ZNF678: variants seen among roughly 807,000 people sequenced by gnomAD.
ZNF678 encodes zinc finger protein 678.
A neutral mutation model predicts 3.0 loss-of-function variants in ZNF678; 5 were observed. The observed-to-expected ratio is 1.69, with a 90% CI of 0.88 to 3.56. The LOEUF (loss-of-function observed/expected upper bound fraction) is 3.56. Ranked by LOEUF, ZNF678 falls within the 30% of genes most tolerant of loss-of-function variation. ZNF678 has a pLI of 0.00. For missense variants in ZNF678, 593 were observed against 605.0 expected (o/e 0.98, Z 0.21); for synonymous variants, 218 against 199.6 (o/e 1.09, Z -0.78).
intron 5 of ZNF678, among the ~76,000 whole-genome samples, chr1:227,675,238 A>G (rs1461985826): frequency 6.6e-6 from 1 of 151,808 alleles, no homozygotes; most frequent in Admixed American, 6.6e-5. Flanking sequence ...ACTCCCCTCC[A>G]CTCCTGCCCA....
At chr1:227,669,913 C>T (rs1192619886) in intron 5 of ZNF678, among the ~76,000 whole-genome samples, 1 of 152,166 alleles carries the variant, frequency 6.6e-6, no homozygotes, top group Non-Finnish European at 1.5e-5. Flanking sequence ...ATACTCATCA[C>T]TGCAGTACTC....
At chr1:227,623,122 A>G (rs1658320992) in intron 1 of ZNF678, among the ~76,000 whole-genome samples, 1 of 152,224 alleles carries the variant, frequency 6.6e-6, no homozygotes, top group Non-Finnish European at 1.5e-5. Flanking sequence ...AATTCCTGAA[A>G]TAATCTTAGT....
At chr1:227,621,539 T>A (rs963635980) in intron 1 of ZNF678, among the ~76,000 whole-genome samples, 5 of 152,166 alleles carry the variant, frequency 3.3e-5, no homozygotes, top group African/African-American at 1.2e-4. Context: ...AGTATCTGAT[T>A]TGTGCTCTAA....
chr1:227,674,732 A>G (rs1332989413), intron 5 of ZNF678, among the ~76,000 whole-genome samples: 1 of 151,368 alleles, frequency 6.6e-6, no homozygotes, highest in Non-Finnish European at 1.5e-5. Context: ...CCTTCCGAGT[A>G]GCTAGGATTA....
chr1:227,582,030 G>A (rs991100513), intron 1 of ZNF678, among the ~76,000 whole-genome samples: 1 of 152,024 alleles, frequency 6.6e-6, no homozygotes, highest in African/African-American at 2.4e-5. Flanking sequence ...CATTTTATAT[G>A]TTTAATGGCC....
intron 1 of ZNF678, among the ~76,000 whole-genome samples, chr1:227,582,274 T>C (rs2102728873): frequency 6.6e-6 from 1 of 152,188 alleles, no homozygotes; most frequent in South Asian, 2.1e-4. Flanking sequence ...TCAATTTTTC[T>C]TTTTTTCTGG....
chr1:227,651,426 A>G (rs1006557596), intron 3 of ZNF678, among the ~76,000 whole-genome samples: 21 of 152,138 alleles, frequency 1.4e-4, no homozygotes, highest in Admixed American at 3.9e-4. Context: ...TGAGTTATTC[A>G]CCTGCTTCAG....
intron 1 of ZNF678, among the ~76,000 whole-genome samples, chr1:227,611,443 A>G (rs964265671): frequency 2.6e-5 from 4 of 152,204 alleles, no homozygotes; most frequent in African/African-American, 9.6e-5. Context: ...TTTCTTGGCT[A>G]AAGAGGCCCA....
At chr1:227,605,176 G>T (rs755518954) in intron 1 of ZNF678, among the ~76,000 whole-genome samples, 23 of 152,032 alleles carry the variant, frequency 1.5e-4, no homozygotes, top group Non-Finnish European at 2.8e-4. Flanking sequence ...TTTTTAAAAG[G>T]TTTTTCTCTT....
At chr1:227,578,560 A>G (rs1020635430) in intron 1 of ZNF678, among the ~76,000 whole-genome samples, 1 of 152,220 alleles carries the variant, frequency 6.6e-6, no homozygotes, top group Non-Finnish European at 1.5e-5. Flanking sequence ...TTGCATTACA[A>G]AATTCTTGGA....
rs142840847 is a variant in ZNF678, at chr1:227,593,486, G to T, written c.-164+29762G>T. ...TGGCATGAAAGCTCTACATTGGGGG[G>T]CAAGACTCCTGGTTGGCACTGGGGT... is the stretch of plus-strand genomic sequence containing the variant. On this transcript the variant is annotated intron_variant, in intron 1 of 3. Transcript: ENST00000343776. Among the ~76,000 whole-genome samples, 23 of 152,258 alleles carry T rather than the reference G, an allele frequency of 1.5e-4. No individual in the cohort carries two copies. The East Asian group carries it at 4.2e-3, about 28-fold the overall frequency.
intron 1 of ZNF678, among the ~76,000 whole-genome samples, chr1:227,616,715 A>G (rs539315448): frequency 1.3e-5 from 2 of 152,190 alleles, no homozygotes; most frequent in African/African-American, 4.8e-5. Flanking sequence ...GGGGTGTCTC[A>G]GAAAGGGGTT....
intron 2 of ZNF678, 93 bp from the exon 3 acceptor site, chr1:227,650,858 TATAAG>T: frequency 1.2e-6 from 1 of 860,144 alleles, no homozygotes. Flanking sequence ...GCTTTCTACA[TATAAG>T]ATAATGTCAT....
chr1:227,619,418 A>G (rs1658218952), intron 1 of ZNF678, among the ~76,000 whole-genome samples: 1 of 152,184 alleles, frequency 6.6e-6, no homozygotes, highest in Admixed American at 6.5e-5. Flanking sequence ...TGGCATCTGC[A>G]CTGTGGGAAA....
chr1:227,654,231 T>C (rs1163418821), intron 3 of ZNF678, 105 bp from the exon 4 acceptor site: 10 of 895,180 alleles, frequency 1.1e-5, no homozygotes, highest in Non-Finnish European at 1.6e-5. Flanking sequence ...TATTTTATTA[T>C]GCCATCTTGT....
At chr1:227,594,810 T>C (rs1657519483) in intron 1 of ZNF678, among the ~76,000 whole-genome samples, 1 of 152,242 alleles carries the variant, frequency 6.6e-6, no homozygotes, top group Non-Finnish European at 1.5e-5. Context: ...GACAAGAGTT[T>C]ACCATATAAT....
At chr1:227,567,685 CT>C (rs547216977) in intron 1 of ZNF678, among the ~76,000 whole-genome samples, 23 of 147,082 alleles carry the variant, frequency 1.6e-4, no homozygotes, top group Middle Eastern at 3.5e-3. Context: ...TTACTTAATT[CT>C]TTTTTTTTTG....
At chr1:227,669,669 C>T (rs1406107375) in intron 5 of ZNF678, among the ~76,000 whole-genome samples, 2 of 151,470 alleles carry the variant, frequency 1.3e-5, no homozygotes, top group Non-Finnish European at 2.9e-5. Flanking sequence ...AATACCATCT[C>T]CCACCGGTCA....
intron 1 of ZNF678, among the ~76,000 whole-genome samples, chr1:227,577,257 A>G (rs1571860203): frequency 6.6e-6 from 1 of 152,178 alleles, no homozygotes; most frequent in Admixed American, 6.5e-5. Flanking sequence ...TATCAGGTCC[A>G]TGTGATCCAG....
Sources: gnomAD v4.1 joint callset for allele counts (sites outside exome capture counted in the v4.1 genomes callset) on GRCh38, gnomAD v4.1.1 for gene constraint, MANE v1.5 for transcripts, NCBI Gene and HGNC (gene_info 2026-07-23, HGNC 2026-07-21) for gene names.